The following MAX variants were observed in gnomAD, a reference collection of about 807,000 sequenced individuals.
MAX encodes the protein MYC associated transcriptional regulator X, also known as protein max.
A neutral mutation model predicts 22.3 loss-of-function variants in MAX; 3 were observed. The observed-to-expected ratio is 0.13, with a 90% confidence interval of 0.06 to 0.35. MAX has a LOEUF of 0.35. Ranked by LOEUF, MAX falls within the 10% of genes least tolerant of loss-of-function variation. The pLI, the probability that MAX is intolerant of heterozygous loss-of-function variation, is 1.00. For synonymous variants in MAX, 72 were observed against 77.7 expected, an observed-to-expected ratio of 0.93 and a Z score of 0.39; for missense variants, 119 against 209.4, an observed-to-expected ratio of 0.57 and a Z score of 2.66.
Position 65,082,800 on chromosome 14 carries a change from T to C in MAX, c.172-4764A>G, listed in dbSNP as rs569568071. On this transcript the variant is annotated intron_variant, in intron 3 of 4. Transcript: ENST00000358664. The surrounding 1 kb of genome is among the most constrained non-coding windows in gnomAD (Gnocchi z 4.8). The stretch of plus-strand genomic sequence containing the variant: ...AAAAGTGAAAAATGGTAGTTTGTAA[T>C]AGCAGGATAGCAGCATTGAAGGAAG... Among the ~76,000 whole-genome samples the C allele has an allele frequency of 7.6e-4, 115 of 151,804 alleles. 2 individuals carry two copies. The South Asian group carries it at 0.023, about 30-fold the overall frequency.
chr14:65,095,124 G>C (rs1238535649), intron 2 of MAX, among the ~76,000 whole-genome samples: 1 of 152,208 alleles, frequency 6.6e-6, no homozygotes, highest in African/African-American at 2.4e-5. Flanking sequence ...AATCCTAAAA[G>C]TCCCAGTCAT....
intron 2 of MAX, among the ~76,000 whole-genome samples, chr14:65,100,071 T>C (rs2063787405): frequency 6.6e-6 from 1 of 152,158 alleles, no homozygotes; most frequent in African/African-American, 2.4e-5. Flanking sequence ...CTGCAAATTC[T>C]AACAAGCCCC....
intron 3 of MAX, among the ~76,000 whole-genome samples, chr14:65,067,049 G>A (rs995658428): frequency 2.1e-4 from 31 of 151,070 alleles, no homozygotes; most frequent in African/African-American, 4.6e-4. Context: ...AGTCGGATGC[G>A]GTGGCACACA....
chr14:65,012,423 A>G lies in MAX; in HGVS notation c.172-6139T>C, dbSNP rs199748416. 1 of 1,613,152 alleles carries G rather than the reference A, an allele frequency of 6.2e-7. No homozygotes were observed. The highest frequency in any genetic ancestry group is 1.7e-5 in the Admixed American group (1 of 60,008). ...ATTACCCAGGAACTCTTGCTGTCAA[A>G]TTATCCACCAAATCCTCCTCCTTTT... On this transcript the variant is annotated intron_variant, in intron 3 of 3. Coordinates refer to the MAX transcript ENST00000341653. This position sits in a 1 kb window ranked among gnomAD's most constrained non-coding sequence, Gnocchi z 5.0.
rs2062084918 is a variant in MAX, at chr14:65,031,594, G to GC, written c.172-25311dup. ...GCCTCCCAAAGTGCTGGGATTACAG[G>GC]CATGAGCAACTGTGCCCAGCCTAAT... On this transcript the variant is annotated intron_variant, in intron 3 of 3. Transcript: ENST00000341653. The surrounding 1 kb of genome is among the most constrained non-coding windows in gnomAD (Gnocchi z 4.6). Among the ~76,000 whole-genome samples, 1 of 152,058 alleles carries GC rather than the reference G, an allele frequency of 6.6e-6. No individual in the cohort carries two copies. The highest frequency in any genetic ancestry group is 6.5e-5 in the Admixed American group (1 of 15,272).
intron 3 of MAX, among the ~76,000 whole-genome samples, chr14:65,055,320 TGGA>T (rs1459839573): frequency 3.9e-5 from 6 of 152,096 alleles, no homozygotes; most frequent in Non-Finnish European, 8.8e-5. Context: ...ATGAATCCAA[TGGA>T]GACTGTCCCC....
downstream of MAX, among the ~76,000 whole-genome samples, chr14:65,074,332 T>C (rs931228801): frequency 6.6e-6 from 1 of 152,220 alleles, no homozygotes; most frequent in African/African-American, 2.4e-5. Flanking sequence ...AGCATTTTTC[T>C]TTTCCTTAAT....
rs776998398 is a variant in MAX, at chr14:65,077,395, A to G, written c.295+518T>C. On this transcript the variant is annotated intron_variant, in intron 4 of 4. Transcript: ENST00000358664. This position sits in a 1 kb window ranked among gnomAD's most constrained non-coding sequence, Gnocchi z 6.3. Reference sequence around the variant, plus strand: ...AGGGAGGAAGAGAAGTGAATTCCCCAGGAACAAAGAACTTGATCAGCTCTC... The same window carrying G: ...AGGGAGGAAGAGAAGTGAATTCCCCGGGAACAAAGAACTTGATCAGCTCTC... 1.2e-6 allele frequency: 2 copies of G among 1,613,922 alleles called. No individual in the cohort carries two copies. Among genetic ancestry groups the G allele is most frequent in the Non-Finnish European group, 1.7e-6 (2 of 1,179,804 alleles).
chr14:65,021,055 A>G (rs1175978990), intron 3 of MAX, among the ~76,000 whole-genome samples: 1 of 152,214 alleles, frequency 6.6e-6, no homozygotes, highest in Non-Finnish European at 1.5e-5. Context: ...AAGAGGTTAT[A>G]TGCACACATT....
chr14:65,049,119 T>TC (rs1241749175), intron 3 of MAX, among the ~76,000 whole-genome samples: 5 of 120,552 alleles, frequency 4.1e-5, no homozygotes, highest in Admixed American at 8.4e-5. Flanking sequence ...AGGGCAGGAC[T>TC]CCGTCTAAAA....
At chr14:65,057,343 C>T (rs1256085570) in intron 3 of MAX, among the ~76,000 whole-genome samples, 3 of 152,138 alleles carry the variant, frequency 2.0e-5, no homozygotes, top group Non-Finnish European at 4.4e-5. Context: ...GTGGGAGAAT[C>T]GCTTGAGCCC....
At chr14:65,067,927 CCA>C (rs1331804745) in intron 3 of MAX, among the ~76,000 whole-genome samples, 1 of 152,008 alleles carries the variant, frequency 6.6e-6, no homozygotes, top group Non-Finnish European at 1.5e-5. Flanking sequence ...GCCACCGTGC[CCA>C]GACCATGCGT....
At chr14:65,087,056 A>G (rs1391637814) in intron 3 of MAX, among the ~76,000 whole-genome samples, 1 of 152,260 alleles carries the variant, frequency 6.6e-6, no homozygotes, top group African/African-American at 2.4e-5. Flanking sequence ...GCCAGCCCCA[A>G]GCCTTGGCAG....
intron 2 of MAX, among the ~76,000 whole-genome samples, chr14:65,099,237 T>C (rs1353505161): frequency 6.6e-6 from 1 of 152,178 alleles, no homozygotes; most frequent in African/African-American, 2.4e-5. Flanking sequence ...GCTTTTTCTC[T>C]CCATGCTGTT....
rs1209184535 is a variant in MAX at position 65,099,908 on chromosome 14, T to C, written c.63+1638A>G. Among the ~76,000 whole-genome samples, 7 of 152,204 alleles carry C rather than the reference T, an allele frequency of 4.6e-5. No individual in the cohort carries two copies. In the East Asian group the frequency reaches 1.3e-3, roughly 29 times the overall value. On this transcript the variant is annotated intron_variant, in intron 2 of 4. Coordinates refer to ENST00000358664, the MANE Select transcript of MAX (RefSeq NM_002382.5). ...TACATCCCCGGATTTTATGGAAATATCAGCTCTCAATAAATAAGTTTTCTT... is the reference window on the plus strand; with the variant it reads ...TACATCCCCGGATTTTATGGAAATACCAGCTCTCAATAAATAAGTTTTCTT...
Position 65,093,246 on chromosome 14 carries a change from A to T in MAX, c.171+462T>A, listed in dbSNP as rs909226301. Among the ~76,000 whole-genome samples, 2 of 152,208 alleles carry T rather than the reference A, an allele frequency of 1.3e-5. No individual in the cohort carries two copies. The highest frequency in any genetic ancestry group is 4.8e-5 in the African/African-American group (2 of 41,456). ...AACAATTATTGGGGCTGGAAAATCA[A>T]TGGTGCCCAGGTTGTTTTTCACATA... On this transcript the variant is annotated intron_variant, in intron 3 of 4. Coordinates refer to ENST00000358664, the MANE Select transcript of MAX (RefSeq NM_002382.5). This position sits in a 1 kb window ranked among gnomAD's most constrained non-coding sequence, Gnocchi z 4.4.
Position 65,084,417 on chromosome 14 carries a change from TAATG to T in MAX, c.172-6385_172-6382del. ...CTTCCAAAAAAAAAAATTCCAGTGATAATGAAACTGGTACTCTCAAAACACTACC... is the reference window on the plus strand; with the variant it reads ...CTTCCAAAAAAAAAAATTCCAGTGATAAACTGGTACTCTCAAAACACTACC... On this transcript the variant is annotated intron_variant, in intron 3 of 4. Coordinates refer to ENST00000358664, the MANE Select transcript of MAX (RefSeq NM_002382.5). The surrounding 1 kb of genome is among the most constrained non-coding windows in gnomAD (Gnocchi z 4.3). 1.5e-6 allele frequency: 1 copy of T among 687,534 alleles called. No individual in the cohort carries two copies. Among genetic ancestry groups the T allele is most frequent in the Non-Finnish European group, 2.6e-6 (1 of 383,410 alleles). The allele number at this position is 687,534 out of a possible 1,614,324, so 42.6% of individuals were successfully genotyped here. A position where few individuals can be genotyped will look rare whatever the true frequency, so the allele number is the denominator to read the frequency against.
intron 3 of MAX, among the ~76,000 whole-genome samples, chr14:65,050,657 CT>C (rs1304082425): frequency 6.6e-6 from 1 of 152,140 alleles, no homozygotes. Context: ...TTGCTGGTAG[CT>C]ATATAAAGTC....
chr14:65,037,402 CCTTTTTTTTTTTTTTT>C (rs559360276), intron 3 of MAX, among the ~76,000 whole-genome samples: 517 of 14,490 alleles, frequency 0.036, 142 homozygotes, highest in East Asian at 0.21. Flanking sequence ...CACGCCGGGC[CCTTTTTTTTTTTTTTT>C]TTTTTTTTTT....
Sources: gnomAD v4.1 joint callset for allele counts (sites outside exome capture counted in the v4.1 genomes callset) on GRCh38, gnomAD v4.1.1 for gene constraint, Gnocchi (gnomAD v3.1) non-coding constraint, MANE v1.5 for transcripts, NCBI Gene and HGNC (gene_info 2026-07-23, HGNC 2026-07-21) for gene names.